Variants in PML observed in about 807,000 individuals in gnomAD.
The protein encoded by PML is protein PML.
In PML, 28 loss-of-function variants were observed where a neutral mutation model predicts 65.2. The observed-to-expected ratio is 0.43, with a 90% confidence interval of 0.32 to 0.59. The LOEUF (loss-of-function observed/expected upper bound fraction) is 0.59, where lower values mean the gene tolerates loss of function less well. Ranked by LOEUF, PML falls within the 20% of genes least tolerant of loss-of-function variation. The pLI is 0.08. For missense variants in PML, 1,021 were observed against 1,203.4 expected, an observed-to-expected ratio of 0.85 and a Z score of 2.24; for synonymous variants, 500 against 508.8, an observed-to-expected ratio of 0.98 and a Z score of 0.23.
rs71137368 is a variant in PML, at chr15:74,002,444, C to CTTTTTTTTTT, written c.602+3978_602+3987dup. On this transcript the variant is annotated intron_variant, in intron 2 of 8. Transcript: ENST00000268058. ...GAAACTTTCTACCTTTCTTTCTTTT[C>CTTTTTTTTTT]TTTTTTTTTTTTTTTTTTTGATGGA... is the stretch of plus-strand genomic sequence containing the variant. Among the ~76,000 whole-genome samples the CTTTTTTTTTT allele has an allele frequency of 3.7e-3, 388 of 104,678 alleles. 1 individual carries two copies. Among genetic ancestry groups the CTTTTTTTTTT allele is most frequent in the Non-Finnish European group, 4.5e-3 (247 of 54,868 alleles). 68.7% of individuals were successfully genotyped at this position (104,678 alleles called of 152,430 possible).
chr15:74,002,734 G>A (rs983341704), intron 2 of PML, among the ~76,000 whole-genome samples: 12 of 151,800 alleles, frequency 7.9e-5, no homozygotes, highest in African/African-American at 1.5e-4. Flanking sequence ...GATTACAGGC[G>A]TGAGCCAACA....
At chr15:73,997,256 T>G (rs1297413819) in intron 1 of PML, among the ~76,000 whole-genome samples, 1 of 152,200 alleles carries the variant, frequency 6.6e-6, no homozygotes, top group African/African-American at 2.4e-5. Context: ...GGTTTTCCTT[T>G]CGATTTAGTT....
intron 7 of PML, 49 bp downstream of exon 7, chr15:74,034,579 A>G (rs1484909637): frequency 6.2e-7 from 1 of 1,614,144 alleles, no homozygotes; most frequent in South Asian, 1.1e-5. Flanking sequence ...CCCCCATTTC[A>G]GGTCCCAGGG....
At chr15:74,005,048 A>G (rs1251148933) in intron 2 of PML, among the ~76,000 whole-genome samples, 1 of 150,958 alleles carries the variant, frequency 6.6e-6, no homozygotes, top group African/African-American at 2.4e-5. Context: ...TCATTTGTTT[A>G]TTTTATTTTT....
At chr15:74,009,141 G>T (rs1402726313) in intron 2 of PML, among the ~76,000 whole-genome samples, 1 of 152,150 alleles carries the variant, frequency 6.6e-6, no homozygotes, top group Non-Finnish European at 1.5e-5. Flanking sequence ...CATGGTGTGG[G>T]TCTAGGGCTG....
At chr15:73,996,218 T>G (rs775433501) in intron 1 of PML, among the ~76,000 whole-genome samples, 4 of 152,250 alleles carry the variant, frequency 2.6e-5, no homozygotes, top group Non-Finnish European at 5.9e-5. Context: ...AACTCTGTAC[T>G]CTTTAAACCA....
chr15:74,035,718 C>G lies in PML; in HGVS notation c.1710+1188C>G. 1 of 1,614,174 alleles carries G rather than the reference C, an allele frequency of 6.2e-7. No individual in the cohort carries two copies. On this transcript the variant is annotated intron_variant, in intron 7 of 8. Transcript: ENST00000268058. This position sits in a 1 kb window ranked among gnomAD's most constrained non-coding sequence, Gnocchi z 4.1. ...GTGGCTCAACAACTTTTTTGCCCTC[C>G]CCTTCTCCTCCATGGCTTCCCAGCT...
chr15:73,999,719 A>G (rs1347009441), intron 2 of PML, among the ~76,000 whole-genome samples: 1 of 152,134 alleles, frequency 6.6e-6, no homozygotes, highest in Non-Finnish European at 1.5e-5. Flanking sequence ...TGCTCTTACA[A>G]TTTATGCAGT....
In PML at chr15:74,044,700, C is replaced by T; in HGVS notation, c.2341C>T (p.Leu781=). The T allele has an allele frequency of 1.9e-6, 3 of 1,608,074 alleles. No homozygotes were observed. Among genetic ancestry groups the T allele is most frequent in the Non-Finnish European group, 1.7e-6 (2 of 1,179,960 alleles). ...CAGTAGCCTGCAGTGCTTTGCCTCCCTGCAGCCCCTGGTGCAGGCAGCTGT... is the reference window on the plus strand; with the variant it reads ...CAGTAGCCTGCAGTGCTTTGCCTCCTTGCAGCCCCTGGTGCAGGCAGCTGT... ...PFSSLQCFAS[L]QPLVQAAVLP... The change falls in exon 9 of 9, where the codon CTG becomes TTG. Residue 781 remains leucine (L), a synonymous_variant. Transcript: ENST00000268058.
intron 2 of PML, among the ~76,000 whole-genome samples, chr15:74,010,597 C>A (rs1372681876): frequency 6.6e-6 from 1 of 151,834 alleles, no homozygotes; most frequent in African/African-American, 2.4e-5. Flanking sequence ...ATTAATAGAA[C>A]CACCGCCAGC....
In PML at chr15:73,994,921, C is replaced by A. The variant is rs1422486859; in HGVS notation, c.109C>A (p.Pro37Thr). The change falls in exon 1 of 9, where the codon CCC (proline) becomes ACC (threonine). Residue 37 changes from proline to threonine, a missense_variant. Pro to Thr is a conservative substitution (Grantham distance 38). Coordinates refer to ENST00000268058, the MANE Select transcript of PML (RefSeq NM_033238.3). ...CCCCTCTGAAGGCCGCCAGCCCAGC[C>A]CCAGCCCCAGCCCTACAGAGGTACT... is the stretch of plus-strand genomic sequence containing the variant. The part of the protein sequence containing the change: ...ETPSEGRQPS[P>T]SPSPTERAPA... The A allele has an allele frequency of 6.4e-5, 99 of 1,548,254 alleles. No individual in the cohort carries two copies. Among genetic ancestry groups the A allele is most frequent in the Non-Finnish European group, 8.5e-5 (97 of 1,145,566 alleles).
Position 74,042,300 on chromosome 15 carries a change from G to C in PML, c.1711-689G>C. 2.1e-6 allele frequency: 2 copies of C among 955,446 alleles called. No homozygotes were observed. The highest frequency in any genetic ancestry group is 2.5e-6 in the Non-Finnish European group (2 of 802,654). The allele number at this position is 955,446 out of a possible 1,614,324, so 59.2% of individuals were successfully genotyped here. On this transcript the variant is annotated intron_variant, in intron 7 of 8. Coordinates refer to ENST00000268058, the MANE Select transcript of PML (RefSeq NM_033238.3). This position sits in a 1 kb window ranked among gnomAD's most constrained non-coding sequence, Gnocchi z 5.3. The stretch of plus-strand genomic sequence containing the variant: ...CAAGAGCCTCCACTGCTCTCTCACT[G>C]CCAAGGACCTGGGTGTCCACCTAGA...
chr15:74,017,197 C>T (rs931879128), intron 2 of PML, among the ~76,000 whole-genome samples: 1 of 152,150 alleles, frequency 6.6e-6, no homozygotes, highest in Non-Finnish European at 1.5e-5. Context: ...TTTTCTCCTT[C>T]GAGATGTAAT....
At chr15:74,028,395 A>G (rs1309923561) in intron 4 of PML, 1 of 151,776 alleles carries the variant, frequency 6.6e-6, no homozygotes, top group Admixed American at 6.6e-5. Flanking sequence ...AGCAGTTTGC[A>G]GAGCCAGACA....
At chr15:74,024,767 C>A in intron 3 of PML, 90 bp from the exon 4 acceptor site, 3 of 950,218 alleles carry the variant, frequency 3.2e-6, no homozygotes, top group Middle Eastern at 2.1e-4. Flanking sequence ...GGAAAAGCAA[C>A]AGGGACCTCC....
chr15:73,999,454 A>G (rs2069657945), intron 2 of PML, among the ~76,000 whole-genome samples: 1 of 152,202 alleles, frequency 6.6e-6, no homozygotes, highest in Non-Finnish European at 1.5e-5. Context: ...TTCCTGCTTT[A>G]GGATAAACTT....
intron 2 of PML, among the ~76,000 whole-genome samples, chr15:74,017,083 C>T (rs1416500845): frequency 1.3e-5 from 2 of 151,698 alleles, no homozygotes; most frequent in East Asian, 2.0e-4. Context: ...AGGCATGAGC[C>T]GCCGCGCCCG....
chr15:74,025,068 G>C (rs2141840941), intron 4 of PML, 141 bp downstream of exon 4: 1 of 676,028 alleles, frequency 1.5e-6, no homozygotes, highest in East Asian at 2.7e-5. Context: ...TTCAGTGAGA[G>C]GAAGTAAAGG....
chr15:74,032,092 GCACT>G lies in PML; in HGVS notation c.1255-479_1255-476del, dbSNP rs1462651425. Among the ~76,000 whole-genome samples the G allele has an allele frequency of 3.3e-5, 5 of 152,188 alleles. No homozygotes were observed. The South Asian group carries it at 1.0e-3, about 31-fold the overall frequency. On this transcript the variant is annotated intron_variant, in intron 4 of 8. Transcript: ENST00000268058. ...AAGGAGCTGCTTTCGCCAGTAGTGA[GCACT>G]TTGTCCCTGGAGGTGTGTGTCTAAG...
Sources: gnomAD v4.1 joint callset for allele counts (sites outside exome capture counted in the v4.1 genomes callset) on GRCh38, gnomAD v4.1.1 for gene constraint, Gnocchi (gnomAD v3.1) non-coding constraint, MANE v1.5 for transcripts, NCBI Gene and HGNC (gene_info 2026-07-23, HGNC 2026-07-21) for gene names.